Variants in SECISBP2L observed in about 807,000 individuals in gnomAD.
The protein encoded by SECISBP2L is SECIS binding protein 2 like, also known as selenocysteine insertion sequence-binding protein 2-like.
In SECISBP2L, 43 loss-of-function variants were observed where a neutral mutation model predicts 114.7. The ratio of observed to expected loss-of-function variants is 0.38; its 90% confidence interval spans 0.29 to 0.48. The LOEUF (loss-of-function observed/expected upper bound fraction) is 0.48. SECISBP2L is among the 20% of genes least tolerant of loss of function. SECISBP2L has a pLI of 0.98. For synonymous variants in SECISBP2L, 451 were observed against 439.7 expected (o/e 1.03, Z -0.32); for missense variants, 1,136 against 1,301.1 (o/e 0.87, Z 1.95).
intron 7 of SECISBP2L, among the ~76,000 whole-genome samples, chr15:49,022,275 G>A (rs141629818): frequency 1.6e-4 from 25 of 152,126 alleles, no homozygotes; most frequent in Non-Finnish European, 3.5e-4. Context: ...ATGCCACCAT[G>A]CCTGCCTTAC....
chr15:49,030,256 T>C (rs544824668), intron 4 of SECISBP2L, among the ~76,000 whole-genome samples: 71 of 152,302 alleles, frequency 4.7e-4, no homozygotes, highest in Non-Finnish European at 8.5e-4. Context: ...CTTAGAGTAG[T>C]ATCCAAGCAG....
intron 2 of SECISBP2L, 157 bp downstream of exon 2, chr15:49,037,434 C>T (rs531385318): frequency 2.3e-5 from 14 of 602,398 alleles, no homozygotes; most frequent in African/African-American, 3.8e-5. Flanking sequence ...AGAAACTAAT[C>T]CATATCAACA....
intron 16 of SECISBP2L, among the ~76,000 whole-genome samples, chr15:48,997,676 C>T (rs1018845473): frequency 6.6e-6 from 1 of 152,076 alleles, no homozygotes; most frequent in Non-Finnish European, 1.5e-5. Context: ...TTGAGACCAG[C>T]GTGACCAACA....
At chr15:49,001,331 C>A (rs1595782694) in intron 14 of SECISBP2L, among the ~76,000 whole-genome samples, 1 of 152,126 alleles carries the variant, frequency 6.6e-6, no homozygotes, top group Non-Finnish European at 1.5e-5. Context: ...AAGTATTCAA[C>A]AAATGCTTGC....
At chr15:49,044,524 T>C (rs749653185) in intron 1 of SECISBP2L, among the ~76,000 whole-genome samples, 3 of 152,170 alleles carry the variant, frequency 2.0e-5, no homozygotes, top group Admixed American at 6.5e-5. Flanking sequence ...CACTTTTCTA[T>C]ATATATTTTC....
In SECISBP2L at chr15:48,993,128, T is replaced by G. The variant is rs28416743; in HGVS notation, c.2624-202A>C. On this transcript the variant is annotated intron_variant, in intron 17 of 17. Transcript: ENST00000559471. ...GTGTGTGTGTGTGTGTGTGTGTGTG[T>G]GTGTGTGTGTGTGTTTCAGATGGGG... is the stretch of plus-strand genomic sequence containing the variant. 9.1e-3 allele frequency among the ~76,000 whole-genome samples: 1,385 copies of G among 151,720 alleles called. 33 individuals are homozygous for G. The highest frequency in any genetic ancestry group is 0.033 in the African/African-American group (1,342 of 41,266).
chr15:48,999,146 G>C (rs944339913), intron 16 of SECISBP2L, among the ~76,000 whole-genome samples: 6 of 152,158 alleles, frequency 3.9e-5, no homozygotes, highest in African/African-American at 1.4e-4. Context: ...ATGGACAGGG[G>C]AATGTAGGAT....
chr15:49,025,516 G>A (rs963014038), intron 7 of SECISBP2L, among the ~76,000 whole-genome samples: 2 of 152,118 alleles, frequency 1.3e-5, no homozygotes, highest in African/African-American at 4.8e-5. Context: ...AAGTACTTAT[G>A]TGTAGAATTT....
chr15:49,011,683 A>G (rs1330480682), intron 13 of SECISBP2L, 48 bp downstream of exon 13: 1 of 1,604,004 alleles, frequency 6.2e-7, no homozygotes. Flanking sequence ...ATCTATTAAA[A>G]TATTTCAGAC....
chr15:49,021,486 T>C (rs1168836303), intron 7 of SECISBP2L, among the ~76,000 whole-genome samples: 2 of 152,118 alleles, frequency 1.3e-5, no homozygotes, highest in African/African-American at 4.8e-5. Context: ...ACACTTAAAA[T>C]ATATGAAAAG....
At position 49,028,594 on chromosome 15, in the gene SECISBP2L, G is replaced by T. The variant is rs775313991; in HGVS notation, c.753C>A (p.Ser251=). 3 of 1,614,044 alleles carry T rather than the reference G, an allele frequency of 1.9e-6. No homozygotes were observed. ...CACTAGAAGATTCAGCAGTAGGGTG[G>T]GATGCTCTTCTTCTCCTGCCCTTGG... ...WKSKGRRRRA[S]HPTAESSSEQ... is the part of the protein sequence containing the mutation. Residue 251 remains serine, a synonymous_variant, in exon 5 of 18, where the codon TCC becomes TCA. Coordinates refer to ENST00000559471, the MANE Select transcript of SECISBP2L (RefSeq NM_001193489.2).
chr15:49,041,652 C>T (rs1903134035), intron 1 of SECISBP2L, among the ~76,000 whole-genome samples: 1 of 152,162 alleles, frequency 6.6e-6, no homozygotes, highest in South Asian at 2.1e-4. Context: ...AAAAAACTGA[C>T]ACCCACTTAA....
At chr15:49,002,090 T>C (rs1349158959) in intron 14 of SECISBP2L, 3 of 152,182 alleles carry the variant, frequency 2.0e-5, no homozygotes, top group Non-Finnish European at 4.4e-5. Context: ...TGTAAAAGCA[T>C]TCCTATTTCT....
At chr15:49,033,313 A>G (rs1902936809) in intron 3 of SECISBP2L, among the ~76,000 whole-genome samples, 1 of 152,200 alleles carries the variant, frequency 6.6e-6, no homozygotes, top group African/African-American at 2.4e-5. Context: ...GCACATATAT[A>G]CACTTTTTCA....
At chr15:49,027,344 C>T (rs1902765052) in intron 7 of SECISBP2L, 21 bp downstream of exon 7, 1 of 1,565,000 alleles carries the variant, frequency 6.4e-7, no homozygotes, top group Non-Finnish European at 8.8e-7. Flanking sequence ...AATCAATTTT[C>T]TCCAACCTAA....
At chr15:48,996,821 C>T (rs1455861923) in intron 16 of SECISBP2L, among the ~76,000 whole-genome samples, 2 of 152,222 alleles carry the variant, frequency 1.3e-5, no homozygotes, top group East Asian at 1.9e-4. Flanking sequence ...ACACTAGCCA[C>T]TAAATGTGAT....
At chr15:49,019,375 A>C in intron 8 of SECISBP2L, 43 bp downstream of exon 8, 1 of 1,320,882 alleles carries the variant, frequency 7.6e-7, no homozygotes, top group Non-Finnish European at 9.6e-7. Flanking sequence ...CTTAATGGGA[A>C]CATTTCCTAT....
intron 13 of SECISBP2L, among the ~76,000 whole-genome samples, 200 bp from the exon 14 acceptor site, chr15:49,009,578 T>C (rs1902395376): frequency 6.6e-6 from 1 of 152,176 alleles, no homozygotes; most frequent in Non-Finnish European, 1.5e-5. Context: ...TATTGTCTGT[T>C]GAAGTATATT....
Position 49,012,628 on chromosome 15 carries a change from C to G in SECISBP2L, c.1731+20G>C. On this transcript the variant is annotated intron_variant, in intron 12 of 17. Transcript: ENST00000559471. ...CTTATTCATCCTATAAAATAAATAT[C>G]CCACCAGATTTTGGTTTACCTTTTT... is the stretch of plus-strand genomic sequence containing the variant. 1 of 1,607,130 alleles carries G rather than the reference C, an allele frequency of 6.2e-7. No homozygotes were observed. Among genetic ancestry groups the G allele is most frequent in the Non-Finnish European group, 8.5e-7 (1 of 1,178,034 alleles).
Sources: allele counts gnomAD v4.1 joint callset (sites outside exome capture counted in the v4.1 genomes callset), GRCh38; gene constraint gnomAD v4.1.1; transcripts MANE v1.5; gene names NCBI Gene and HGNC (gene_info 2026-07-23, HGNC 2026-07-21).